The following TCF7L2 variants were observed in gnomAD, a reference collection of about 807,000 sequenced individuals.
TCF7L2 encodes the protein transcription factor 7 like 2, also known as transcription factor 7-like 2.
TCF7L2 carries 23 observed loss-of-function variants against 77.9 expected under a neutral mutation model. The observed-to-expected ratio is 0.30, with a 90% CI of 0.21 to 0.42. TCF7L2 has a LOEUF of 0.42. Ranked by LOEUF, TCF7L2 falls within the 10% of genes least tolerant of loss-of-function variation. The pLI, the probability that TCF7L2 is intolerant of heterozygous loss-of-function variation, is 1.00. For synonymous variants in TCF7L2, 413 were observed against 340.2 expected, an observed-to-expected ratio of 1.21 and a Z score of -2.36; for missense variants, 654 against 793.1, an observed-to-expected ratio of 0.82 and a Z score of 2.11.
At chr10:113,141,872 A>C (rs1400181251) in intron 6 of TCF7L2, among the ~76,000 whole-genome samples, 1 of 152,204 alleles carries the variant, frequency 6.6e-6, no homozygotes, top group East Asian at 1.9e-4. Flanking sequence ...TTTCCCCTAC[A>C]ATATTCTAGG....
intron 5 of TCF7L2, among the ~76,000 whole-genome samples, chr10:113,063,018 G>A (rs1311950014): frequency 1.3e-5 from 2 of 152,162 alleles, no homozygotes; most frequent in Non-Finnish European, 2.9e-5. Context: ...AGCAATGCAC[G>A]GAATGAATTC....
intron 5 of TCF7L2, among the ~76,000 whole-genome samples, chr10:113,053,094 G>A (rs2054749919): frequency 1.3e-5 from 2 of 152,160 alleles, no homozygotes; most frequent in Non-Finnish European, 2.9e-5. Context: ...CGATCTCATG[G>A]TTAAGTTTTG....
chr10:113,095,883 G>A (rs1401098834), intron 5 of TCF7L2, among the ~76,000 whole-genome samples: 5 of 152,158 alleles, frequency 3.3e-5, no homozygotes, highest in Non-Finnish European at 7.3e-5. Flanking sequence ...GTCTCTCCAC[G>A]TTAGTGGCTA....
chr10:113,144,852 T>G (rs1411147062), intron 7 of TCF7L2, among the ~76,000 whole-genome samples: 1 of 152,200 alleles, frequency 6.6e-6, no homozygotes, highest in Non-Finnish European at 1.5e-5. Context: ...TGTGGCAGGT[T>G]GTGTGTATGT....
intron 5 of TCF7L2, among the ~76,000 whole-genome samples, chr10:113,046,903 C>T (rs2053562420): frequency 6.6e-6 from 1 of 152,120 alleles, no homozygotes; most frequent in Non-Finnish European, 1.5e-5. Context: ...TTTTAACATA[C>T]TTGAGCTCAT....
At chr10:113,084,894 T>C (rs2059668384) in intron 5 of TCF7L2, among the ~76,000 whole-genome samples, 1 of 146,264 alleles carries the variant, frequency 6.8e-6, no homozygotes, top group Non-Finnish European at 1.5e-5. Flanking sequence ...AGACTCTGTC[T>C]CAAGCCACCC....
intron 3 of TCF7L2, among the ~76,000 whole-genome samples, chr10:112,960,602 G>A (rs2034816175): frequency 1.3e-5 from 2 of 152,146 alleles, no homozygotes; most frequent in Non-Finnish European, 2.9e-5. Context: ...AGCCATGTTT[G>A]CCGGATGAGG....
intron 5 of TCF7L2, among the ~76,000 whole-genome samples, chr10:113,040,827 A>G (rs2052314461): frequency 6.6e-6 from 1 of 152,212 alleles, no homozygotes. Context: ...TCTTGAGAAG[A>G]TAGCTCAGCC....
At chr10:113,025,112 C>T (rs907095676) in intron 4 of TCF7L2, among the ~76,000 whole-genome samples, 15 of 151,892 alleles carry the variant, frequency 9.9e-5, no homozygotes, top group Middle Eastern at 6.8e-3. Flanking sequence ...GGCTGAAGTA[C>T]GGTGGCACAA....
intron 4 of TCF7L2, among the ~76,000 whole-genome samples, chr10:113,028,268 T>C (rs961250486): frequency 1.3e-5 from 2 of 152,190 alleles, no homozygotes; most frequent in African/African-American, 4.8e-5. Context: ...AGCAAGATGA[T>C]ACTTGAGTGA....
At position 112,964,587 on chromosome 10, in the gene TCF7L2, C is replaced by T; in HGVS notation, c.413C>T (p.Ser138Phe). 1 of 1,613,538 alleles carries T rather than the reference C, an allele frequency of 6.2e-7. No individual in the cohort carries two copies. Among genetic ancestry groups the T allele is most frequent in the East Asian group, 2.2e-5 (1 of 44,858 alleles). ...TTTCAGTCCGGCAGCACACATTACT[C>T]TGCGTACAAAACGATTGAACACCAG... Residue 138 changes from serine (S) to phenylalanine (F), a missense_variant, in exon 4 of 14, where the codon TCT becomes TTT. Ser to Phe is a radical substitution (Grantham distance 155). Around this residue, in one of 6 missense-constraint regions of TCF7L2, gnomAD observed 132 missense variants for 123.7 expected, o/e 1.07. Coordinates refer to ENST00000627217, the MANE Select transcript of TCF7L2 (RefSeq NM_001146274.2).
intron 4 of TCF7L2, among the ~76,000 whole-genome samples, chr10:113,026,632 A>T (rs1299026944): frequency 6.6e-6 from 1 of 152,206 alleles, no homozygotes. Context: ...TCTTGGGATC[A>T]AGCCCTCTTT....
intron 5 of TCF7L2, among the ~76,000 whole-genome samples, chr10:113,072,417 G>A (rs2058144837): frequency 6.6e-6 from 1 of 151,592 alleles, no homozygotes; most frequent in Non-Finnish European, 1.5e-5. Context: ...TACGGTGGTG[G>A]GATCTCGCCT....
intron 4 of TCF7L2, among the ~76,000 whole-genome samples, chr10:112,968,510 C>T (rs1010910827): frequency 2.0e-5 from 3 of 152,110 alleles, no homozygotes; most frequent in Non-Finnish European, 2.9e-5. Flanking sequence ...TTTATGTTAT[C>T]GGTCAGGCTT....
At chr10:112,992,326 G>A (rs1022743888) in intron 4 of TCF7L2, among the ~76,000 whole-genome samples, 52 of 152,290 alleles carry the variant, frequency 3.4e-4, no homozygotes, top group Admixed American at 3.1e-3. Flanking sequence ...CATTCCGCAC[G>A]CCACCCTCGC....
chr10:113,063,037 C>T (rs1331241389), intron 5 of TCF7L2, among the ~76,000 whole-genome samples: 1 of 152,106 alleles, frequency 6.6e-6, no homozygotes, highest in Non-Finnish European at 1.5e-5. Context: ...TCTGGACCTG[C>T]GAACTCTGAA....
At chr10:113,094,565 GA>G (rs1285575097) in intron 5 of TCF7L2, among the ~76,000 whole-genome samples, 1 of 152,158 alleles carries the variant, frequency 6.6e-6, no homozygotes, top group East Asian at 1.9e-4. Flanking sequence ...TAAAGAAGCA[GA>G]TGAGACAACC....
At chr10:113,018,223 A>G (rs1328826696) in intron 4 of TCF7L2, among the ~76,000 whole-genome samples, 2 of 152,188 alleles carry the variant, frequency 1.3e-5, no homozygotes, top group Middle Eastern at 3.2e-3. Context: ...TAGGTGCTCA[A>G]TAAAGATCAC....
intron 5 of TCF7L2, among the ~76,000 whole-genome samples, chr10:113,063,893 C>CGTGTGTGTGTGTGTGTGTGTGT (rs34087825): frequency 1.4e-5 from 2 of 147,056 alleles, no homozygotes; most frequent in African/African-American, 5.1e-5. Context: ...ATGGATGTGG[C>CGTGTGTGTGTGTGTGTGTGTGT]GTGTGTGTGT....
Sources: gnomAD v4.1 joint callset for allele counts (sites outside exome capture counted in the v4.1 genomes callset) on GRCh38, gnomAD v4.1.1 for gene constraint, gnomAD v4.1.1 regional missense constraint, MANE v1.5 for transcripts, NCBI Gene and HGNC (gene_info 2026-07-23, HGNC 2026-07-21) for gene names.